LCP1: variants seen among roughly 807,000 people sequenced by gnomAD.
LCP1 encodes the protein plastin-2.
In LCP1, 23 loss-of-function variants were observed where a neutral mutation model predicts 72.0. That is an observed-to-expected ratio of 0.32 (90% CI 0.23 to 0.45). LCP1 has a LOEUF of 0.45. Among genes scored for constraint, LCP1 ranks in the 20% least tolerant of loss-of-function variants. The probability of loss-of-function intolerance (pLI) is 1.00; values close to 1 mark genes in which losing one functional copy is unlikely to be tolerated. For synonymous variants in LCP1, 245 were observed against 275.4 expected, an observed-to-expected ratio of 0.89 and a Z score of 1.09; for missense variants, 571 against 748.3, an observed-to-expected ratio of 0.76 and a Z score of 2.76.
intron 1 of LCP1, among the ~76,000 whole-genome samples, chr13:46,170,978 A>C (rs1247250424): frequency 6.6e-6 from 1 of 152,226 alleles, no homozygotes; most frequent in Middle Eastern, 3.2e-3. Flanking sequence ...CTTAAAGATC[A>C]GTCTGTTTTT....
intron 7 of LCP1, among the ~76,000 whole-genome samples, chr13:46,151,999 G>T (rs972551598): frequency 2.6e-5 from 4 of 152,270 alleles, no homozygotes; most frequent in Non-Finnish European, 5.9e-5. Context: ...ACCCTAAATG[G>T]AATTTTCTAC....
At chr13:46,169,049 T>C (rs925085853) in intron 1 of LCP1, among the ~76,000 whole-genome samples, 3 of 152,204 alleles carry the variant, frequency 2.0e-5, no homozygotes, top group Non-Finnish European at 2.9e-5. Context: ...GCCACTCCCC[T>C]GTCACAGAGG....
At chr13:46,144,065 CA>C (rs1037286702) in intron 11 of LCP1, among the ~76,000 whole-genome samples, 1 of 144,794 alleles carries the variant, frequency 6.9e-6, no homozygotes, top group African/African-American at 2.6e-5. Flanking sequence ...GACTCCATCT[CA>C]AAAAAAAAGA....
intron 15 of LCP1, among the ~76,000 whole-genome samples, 165 bp from the exon 16 acceptor site, chr13:46,127,888 G>A (rs761611069): frequency 3.9e-5 from 6 of 152,128 alleles, no homozygotes; most frequent in African/African-American, 7.2e-5. Flanking sequence ...ACAAATTTTG[G>A]CTCAACCAAA....
chr13:46,142,869 A>C, intron 12 of LCP1: 1 of 416,206 alleles, frequency 2.4e-6, no homozygotes, highest in South Asian at 1.8e-5. Flanking sequence ...GGCAATAAGA[A>C]ATGCTGAGAA....
intron 1 of LCP1, among the ~76,000 whole-genome samples, chr13:46,177,823 T>G (rs867801624): frequency 5.9e-5 from 9 of 152,186 alleles, no homozygotes; most frequent in Non-Finnish European, 1.2e-4. Flanking sequence ...CTCAGTCAAG[T>G]GTACAGAGGG....
intron 4 of LCP1, 88 bp downstream of exon 4, chr13:46,158,434 C>T (rs2045816885): frequency 6.1e-6 from 9 of 1,473,124 alleles, no homozygotes; most frequent in Non-Finnish European, 8.3e-6. Context: ...GTGTTTGCTT[C>T]TGTCTTTGTT....
At chr13:46,147,805 C>T (rs1377344826) in intron 9 of LCP1, among the ~76,000 whole-genome samples, 2 of 152,056 alleles carry the variant, frequency 1.3e-5, no homozygotes, top group Non-Finnish European at 2.9e-5. Flanking sequence ...CATGAAACCA[C>T]CAATTTTCAG....
intron 4 of LCP1, among the ~76,000 whole-genome samples, chr13:46,157,623 G>A (rs761652042): frequency 2.7e-4 from 41 of 151,812 alleles, no homozygotes; most frequent in Admixed American, 5.9e-4. Flanking sequence ...ATGTATCTCC[G>A]CCTTAAAGAT....
At chr13:46,154,736 G>T in intron 6 of LCP1, 69 bp downstream of exon 6, 2 of 1,291,838 alleles carry the variant, frequency 1.5e-6, no homozygotes, top group Non-Finnish European at 2.2e-6. Context: ...GAAAAAGGCG[G>T]ACTCAGCAGT....
At chr13:46,151,202 GGTTC>G in intron 7 of LCP1, 124 bp from the exon 8 acceptor site, 1 of 863,532 alleles carries the variant, frequency 1.2e-6, no homozygotes, top group Non-Finnish European at 1.7e-6. Flanking sequence ...TTGGGGTAAA[GGTTC>G]TTGTAGCCTT....
rs959440732 is a variant in LCP1 at position 46,163,523 on chromosome 13, A to G, written c.-24-3837T>C. Among the ~76,000 whole-genome samples, 11 of 152,124 alleles carry G rather than the reference A, an allele frequency of 7.2e-5. No individual in the cohort carries two copies. The South Asian group carries it at 1.5e-3, about 20-fold the overall frequency. On this transcript the variant is annotated intron_variant, in intron 1 of 15. Transcript: ENST00000323076. ...CGGAAGGCCGCAGGGTCCTCTGCCT[A>G]GGAAAACCAGACACCTTTGTTCACT...
chr13:46,144,666 G>A, intron 10 of LCP1, 146 bp from the exon 11 acceptor site: 1 of 624,074 alleles, frequency 1.6e-6, no homozygotes, highest in Middle Eastern at 3.8e-4. Flanking sequence ...TTGGACGAGG[G>A]TTCTTATACT....
At chr13:46,129,405 T>C (rs2045620500) in intron 15 of LCP1, among the ~76,000 whole-genome samples, 1 of 152,118 alleles carries the variant, frequency 6.6e-6, no homozygotes, top group African/African-American at 2.4e-5. Flanking sequence ...TGTTTTTCCT[T>C]CTGCCTGGAA....
At chr13:46,132,949 C>T (rs187540534) in intron 14 of LCP1, among the ~76,000 whole-genome samples, 1 of 152,274 alleles carries the variant, frequency 6.6e-6, no homozygotes, top group East Asian at 1.9e-4. Flanking sequence ...TGTTCCTCCC[C>T]CTAATCCTGA....
chr13:46,181,895 A>T (rs1022427490), intron 1 of LCP1, among the ~76,000 whole-genome samples: 1 of 152,212 alleles, frequency 6.6e-6, no homozygotes, highest in Non-Finnish European at 1.5e-5. Context: ...AGTTGAGAAG[A>T]ACCCAGCCCA....
At position 46,159,070 on chromosome 13, in the gene LCP1, G is replaced by A. The variant is rs2045821745; in HGVS notation, c.65-81C>T. ...AGAGGTGAGGGAAGACTAGATGGAA[G>A]GTGAAGGGACGAGAGAGGCTATCAT... On this transcript the variant is annotated intron_variant, in intron 2 of 15. Coordinates refer to ENST00000323076, the MANE Select transcript of LCP1 (RefSeq NM_002298.5). 18 of 1,313,992 alleles carry A rather than the reference G, an allele frequency of 1.4e-5. No individual in the cohort carries two copies. In the South Asian group the frequency reaches 1.8e-4, roughly 13 times the overall value. The allele number at this position is 1,313,992 out of a possible 1,614,324, so 81.4% of individuals were successfully genotyped here. A position where few individuals can be genotyped will look rare whatever the true frequency, so the allele number is the denominator to read the frequency against.
chr13:46,129,506 T>C (rs536025251), intron 15 of LCP1, among the ~76,000 whole-genome samples: 1 of 152,342 alleles, frequency 6.6e-6, no homozygotes, highest in Admixed American at 6.5e-5. Flanking sequence ...TAAAGAGCTC[T>C]AGTCCCCTTC....
In LCP1 at chr13:46,134,122, T is replaced by G. The variant is rs530085015; in HGVS notation, c.1626+5A>C. The G allele has an allele frequency of 3.1e-6, 5 of 1,613,358 alleles. No individual in the cohort carries two copies. In the African/African-American group the frequency reaches 6.7e-5, roughly 22 times the overall value. ...TGGCCTCTAGCAGAAGACAAAGAAT[T>G]TTACCTTGAAACTAGAGATGGATGA... On this transcript the variant is annotated splice_donor_5th_base_variant and intron_variant, in intron 14 of 15. Coordinates refer to ENST00000323076, the MANE Select transcript of LCP1 (RefSeq NM_002298.5).
Sources: allele counts gnomAD v4.1 joint callset (sites outside exome capture counted in the v4.1 genomes callset), GRCh38; gene constraint gnomAD v4.1.1; transcripts MANE v1.5; gene names NCBI Gene and HGNC (gene_info 2026-07-23, HGNC 2026-07-21).